The following KRT8 variants were observed in gnomAD, a reference collection of about 807,000 sequenced individuals.
KRT8 encodes the protein keratin, type II cytoskeletal 8.
KRT8 carries 24 observed loss-of-function variants against 43.0 expected under a neutral mutation model. The observed-to-expected ratio is 0.56, with a 90% confidence interval of 0.40 to 0.78. The LOEUF (loss-of-function observed/expected upper bound fraction) is 0.78, where lower values mean the gene tolerates loss of function less well. Ranked by LOEUF, KRT8 falls within the 30% of genes least tolerant of loss-of-function variation. The pLI is 0.00. For synonymous variants in KRT8, 214 were observed against 261.2 expected, an observed-to-expected ratio of 0.82 and a Z score of 1.74; for missense variants, 492 against 638.4, an observed-to-expected ratio of 0.77 and a Z score of 2.47.
rs537130699 is a variant in KRT8 at position 52,897,396 on chromosome 12, AG to A, written c.*31del. On this transcript the variant is annotated 3_prime_UTR_variant, in exon 8 of 8. Coordinates refer to ENST00000692008, the Ensembl canonical transcript of KRT8. ...TTCCCAGGCTCTGGGGCAGCGCAGG[AG>A]GGGTAGGCTGGGAGGGGCTGCCGCA... 1.4e-4 allele frequency: 221 copies of A among 1,577,020 alleles called. 2 individuals carry two copies. In the African/African-American group the frequency reaches 2.8e-3, roughly 20 times the overall value.
chr12:52,897,863 A>G (rs1941253460), intron 7 of KRT8, among the ~76,000 whole-genome samples: 1 of 152,192 alleles, frequency 6.6e-6, no homozygotes, highest in African/African-American at 2.4e-5. Context: ...CAGCTTCCTC[A>G]ACTGAAGACG....
chr12:52,900,556 G>A, intron 4 of KRT8, 32 bp downstream of exon 4: 1 of 1,422,688 alleles, frequency 7.0e-7, no homozygotes, highest in Non-Finnish European at 9.9e-7. Context: ...CAAGGCTGGG[G>A]GACCCTCACT....
exon 1 of KRT8, chr12:52,904,831 C>T (rs200996175): frequency 5.0e-6 from 8 of 1,612,506 alleles, no homozygotes; most frequent in Non-Finnish European, 5.9e-6. Flanking sequence ...TAGCCGCCGC[C>T]CAGGCCACCG....
chr12:52,918,743 C>G (rs1381675475), intron 2 of KRT8, among the ~76,000 whole-genome samples: 1 of 152,180 alleles, frequency 6.6e-6, no homozygotes, highest in Admixed American at 6.5e-5. Context: ...TAGCTTGACT[C>G]TCACCAACCC....
intron 5 of KRT8, 101 bp downstream of exon 5, chr12:52,899,674 G>T: frequency 9.3e-7 from 1 of 1,076,334 alleles, no homozygotes; most frequent in Non-Finnish European, 1.4e-6. Context: ...CCCTGGTCTA[G>T]GATTCCTTCC....
chr12:52,904,567 G>A, intron 1 of KRT8, 91 bp downstream of exon 1: 1 of 1,223,298 alleles, frequency 8.2e-7, no homozygotes, highest in Non-Finnish European at 1.2e-6. Flanking sequence ...CCAGCAGGAC[G>A]CCAGCTGGGG....
intron 2 of KRT8, among the ~76,000 whole-genome samples, chr12:52,931,252 A>T (rs977920703): frequency 2.0e-5 from 3 of 151,942 alleles, no homozygotes; most frequent in African/African-American, 7.3e-5. Context: ...CATTTTTAGT[A>T]GAGACAGGGT....
At chr12:52,917,181 G>T (rs1941757061) in intron 2 of KRT8, among the ~76,000 whole-genome samples, 1 of 152,086 alleles carries the variant, frequency 6.6e-6, no homozygotes. Context: ...CTTGAGGTCA[G>T]GCTTTCAAGA....
At chr12:52,933,901 A>T (rs1942124103) in intron 2 of KRT8, among the ~76,000 whole-genome samples, 1 of 149,208 alleles carries the variant, frequency 6.7e-6, no homozygotes, top group Admixed American at 6.7e-5. Context: ...CTAGGATTTT[A>T]GGCGTGAGCC....
At chr12:52,924,539 A>G (rs1403360583) in intron 2 of KRT8, among the ~76,000 whole-genome samples, 1 of 152,150 alleles carries the variant, frequency 6.6e-6, no homozygotes, top group African/African-American at 2.4e-5. Context: ...GCAGTGAACT[A>G]TGACAGGCCA....
At chr12:52,926,480 C>T (rs1212501598) in intron 2 of KRT8, 1 of 1,535,438 alleles carries the variant, frequency 6.5e-7, no homozygotes, top group Admixed American at 2.0e-5. Flanking sequence ...GAAAATCATG[C>T]ATCAGGCACC....
At chr12:52,934,692 G>A (rs1942137339) in intron 2 of KRT8, among the ~76,000 whole-genome samples, 1 of 152,216 alleles carries the variant, frequency 6.6e-6, no homozygotes, top group Non-Finnish European at 1.5e-5. Flanking sequence ...ATACAGGCCA[G>A]GTGCGGTGGC....
chr12:52,902,345 C>T (rs1941392834), intron 1 of KRT8: 1 of 488,434 alleles, frequency 2.0e-6, no homozygotes, highest in Non-Finnish European at 3.7e-6. Context: ...ACCAATAGGC[C>T]TAACTTCATT....
upstream of KRT8, among the ~76,000 whole-genome samples, chr12:52,906,127 A>C (rs1416126297): frequency 1.3e-5 from 2 of 152,138 alleles, no homozygotes; most frequent in African/African-American, 4.8e-5. Flanking sequence ...TCCTGAACAT[A>C]ACCCAGGGGC....
intron 2 of KRT8, among the ~76,000 whole-genome samples, chr12:52,912,221 A>C (rs576117998): frequency 1.1e-4 from 17 of 152,312 alleles, no homozygotes; most frequent in Admixed American, 1.1e-3. Context: ...AGGTCCCCCA[A>C]GAAGGCAGGA....
chr12:52,916,627 A>C (rs2682295), intron 2 of KRT8, among the ~76,000 whole-genome samples: 111,658 of 152,088 alleles, frequency 0.73, 42,042 homozygotes, highest in African/African-American at 0.91. Context: ...TCCAGAGTAA[A>C]TGTATAGACC....
chr12:52,906,171 G>A (rs1437250250), upstream of KRT8, among the ~76,000 whole-genome samples: 1 of 152,170 alleles, frequency 6.6e-6, no homozygotes, highest in African/African-American at 2.4e-5. Flanking sequence ...GATCCCCTGG[G>A]CCAGGTGAAC....
At chr12:52,905,776 T>C (rs1941504398), upstream of KRT8, among the ~76,000 whole-genome samples, 1 of 151,880 alleles carries the variant, frequency 6.6e-6, no homozygotes, top group Admixed American at 6.6e-5. Context: ...CTGTCGTCCC[T>C]CTACATCTGA....
intron 2 of KRT8, among the ~76,000 whole-genome samples, chr12:52,927,800 C>T (rs1425800002): frequency 6.6e-6 from 1 of 152,184 alleles, no homozygotes; most frequent in Non-Finnish European, 1.5e-5. Context: ...AGTGCTCAGC[C>T]AGGCGCGATG....
Sources: gnomAD v4.1 joint callset for allele counts (sites outside exome capture counted in the v4.1 genomes callset) on GRCh38, gnomAD v4.1.1 for gene constraint, MANE v1.5 for transcripts, NCBI Gene and HGNC (gene_info 2026-07-23, HGNC 2026-07-21) for gene names.